DLGAP1: variants seen among roughly 807,000 people sequenced by gnomAD.
DLGAP1 encodes DLG associated protein 1, also known as disks large-associated protein 1.
A neutral mutation model predicts 90.8 loss-of-function variants in DLGAP1; 11 were observed. That is an observed-to-expected ratio of 0.12 (90% confidence interval 0.08 to 0.20). The LOEUF is 0.20. DLGAP1 is among the 10% of genes least tolerant of loss of function. The probability of loss-of-function intolerance (pLI) is 1.00; values close to 1 mark genes in which losing one functional copy is unlikely to be tolerated. For missense variants in DLGAP1, 1,050 were observed against 1,333.8 expected (o/e 0.79, Z 3.31); for synonymous variants, 558 against 540.7 (o/e 1.03, Z -0.44).
At chr18:4,020,289 A>G (rs2074588510) in intron 2 of DLGAP1, among the ~76,000 whole-genome samples, 1 of 152,210 alleles carries the variant, frequency 6.6e-6, no homozygotes, top group Non-Finnish European at 1.5e-5. Flanking sequence ...CTGAGGAGGA[A>G]GTACATTCAG....
Position 4,328,212 on chromosome 18 carries a change from C to T in DLGAP1, c.-267+126794G>A, listed in dbSNP as rs551470525. ...TATGAGCAACACATATGTTAATAAA[C>T]CTGTTTTTTTCCTCGCTCTCTCTCT... On this transcript the variant is annotated intron_variant, in intron 1 of 12. Coordinates refer to ENST00000315677, the MANE Select transcript of DLGAP1 (RefSeq NM_004746.4). 2.0e-4 allele frequency among the ~76,000 whole-genome samples: 31 copies of T among 152,112 alleles called. 1 individual carries two copies. In the South Asian group the frequency reaches 3.7e-3, roughly 18 times the overall value.
intron 3 of DLGAP1, among the ~76,000 whole-genome samples, chr18:3,916,777 G>A (rs1599155909): frequency 6.6e-6 from 1 of 152,268 alleles, no homozygotes; most frequent in East Asian, 1.9e-4. Flanking sequence ...AGGGTGTGGG[G>A]AATGAGCTGA....
Position 3,924,139 on chromosome 18 carries a change from C to A in DLGAP1, c.-72-43999G>T, listed in dbSNP as rs72863469. Among the ~76,000 whole-genome samples the A allele has an allele frequency of 7.9e-5, 12 of 152,242 alleles. No individual in the cohort carries two copies. The East Asian group carries it at 1.5e-3, about 20-fold the overall frequency. ...GTGTCACTATTACAGAAATAGTGAG[C>A]CTGGCAGAGGCTAGAAAGCAACCGA... is the stretch of plus-strand genomic sequence containing the variant. On this transcript the variant is annotated intron_variant, in intron 3 of 12. Transcript: ENST00000315677.
At chr18:4,334,267 C>G (rs760505097) in intron 1 of DLGAP1, among the ~76,000 whole-genome samples, 1 of 151,654 alleles carries the variant, frequency 6.6e-6, no homozygotes, top group Non-Finnish European at 1.5e-5. Context: ...AAAAAAACAA[C>G]GCTCACCTCA....
At chr18:4,197,360 G>GGGTA (rs963083010) in intron 1 of DLGAP1, among the ~76,000 whole-genome samples, 4 of 152,048 alleles carry the variant, frequency 2.6e-5, no homozygotes, top group African/African-American at 9.7e-5. Flanking sequence ...GCCCTGGGGT[G>GGGTA]GGTAGTATAT....
chr18:4,132,239 A>G (rs1386798321), intron 2 of DLGAP1, among the ~76,000 whole-genome samples: 1 of 152,176 alleles, frequency 6.6e-6, no homozygotes. Context: ...ATACTAAGCC[A>G]TATATCTACT....
At chr18:3,717,819 C>G (rs1262794045) in intron 7 of DLGAP1, among the ~76,000 whole-genome samples, 2 of 152,118 alleles carry the variant, frequency 1.3e-5, no homozygotes. Context: ...AATTGCTGAA[C>G]CACTGCAAAG....
At chr18:3,939,086 T>C (rs1020157707) in intron 3 of DLGAP1, among the ~76,000 whole-genome samples, 7 of 152,162 alleles carry the variant, frequency 4.6e-5, no homozygotes, top group South Asian at 2.1e-4. Context: ...TGTGCAGCAA[T>C]GAACCTAATA....
At chr18:4,406,827 A>C (rs529425884) in intron 1 of DLGAP1, among the ~76,000 whole-genome samples, 1 of 152,316 alleles carries the variant, frequency 6.6e-6, no homozygotes, top group African/African-American at 2.4e-5. Context: ...GAACTGTATA[A>C]AATATAAAAT....
chr18:3,823,804 G>A (rs973896855), intron 4 of DLGAP1, among the ~76,000 whole-genome samples: 2 of 151,860 alleles, frequency 1.3e-5, no homozygotes, highest in Non-Finnish European at 2.9e-5. Context: ...AGAAAAATTA[G>A]CCAGGCTTGG....
Position 3,724,001 on chromosome 18 carries a change from T to C in DLGAP1, c.1591+5134A>G, listed in dbSNP as rs559371459. Reference sequence around the variant, plus strand: ...AGGAGAGGAGAACAGTTCAACTCCATCATTGTTTAATAAATTCCTCTAATA... The same window carrying C: ...AGGAGAGGAGAACAGTTCAACTCCACCATTGTTTAATAAATTCCTCTAATA... On this transcript the variant is annotated intron_variant, in intron 7 of 12. Transcript: ENST00000315677. Among the ~76,000 whole-genome samples the C allele has an allele frequency of 1.3e-3, 191 of 152,220 alleles. 1 individual carries two copies. The highest frequency in any genetic ancestry group is 3.4e-3 in the Middle Eastern group (1 of 294).
chr18:3,533,044 C>T (rs150987120), intron 10 of DLGAP1, among the ~76,000 whole-genome samples: 8 of 152,186 alleles, frequency 5.3e-5, no homozygotes, highest in African/African-American at 1.7e-4. Flanking sequence ...GTAATCCCAG[C>T]GCTTTGGGAG....
In DLGAP1 at chr18:4,435,935, T is replaced by A. The variant is rs9950933; in HGVS notation, c.-267+19071A>T. On this transcript the variant is annotated intron_variant, in intron 1 of 12. Transcript: ENST00000315677. ...GCTTAGGGACTCAAACCTAAGCAGATGCGCACACAGGTGTCACAAATTAGA... is the reference window on the plus strand; with the variant it reads ...GCTTAGGGACTCAAACCTAAGCAGAAGCGCACACAGGTGTCACAAATTAGA... 6.7e-3 allele frequency among the ~76,000 whole-genome samples: 1,025 copies of A among 152,170 alleles called. 7 individuals are homozygous for A. Among genetic ancestry groups the A allele is most frequent in the Non-Finnish European group, 0.011 (716 of 68,020 alleles).
chr18:4,248,273 T>C (rs962722607), intron 1 of DLGAP1, among the ~76,000 whole-genome samples: 1 of 152,162 alleles, frequency 6.6e-6, no homozygotes, highest in African/African-American at 2.4e-5. Context: ...AACAATAACC[T>C]TCACGGCGAA....
At chr18:3,600,567 A>T (rs1455880685) in intron 7 of DLGAP1, among the ~76,000 whole-genome samples, 1 of 150,800 alleles carries the variant, frequency 6.6e-6, no homozygotes, top group East Asian at 1.9e-4. Flanking sequence ...TTTTATTATA[A>T]TTGTAGTAAG....
chr18:3,855,899 C>A (rs1484814336), intron 4 of DLGAP1, among the ~76,000 whole-genome samples: 1 of 152,170 alleles, frequency 6.6e-6, no homozygotes, highest in Non-Finnish European at 1.5e-5. Context: ...GCGTGAGCCA[C>A]CACGCCTGGC....
chr18:4,032,951 C>T (rs140228566), intron 2 of DLGAP1, among the ~76,000 whole-genome samples: 274 of 152,086 alleles, frequency 1.8e-3, no homozygotes, highest in African/African-American at 6.4e-3. Flanking sequence ...GAATTAATGA[C>T]AGAAAGCATG....
At chr18:3,745,847 G>A (rs1364394191) in intron 5 of DLGAP1, among the ~76,000 whole-genome samples, 1 of 152,032 alleles carries the variant, frequency 6.6e-6, no homozygotes, top group Non-Finnish European at 1.5e-5. Flanking sequence ...ATGCCATCAA[G>A]CCCAGCTAAT....
intron 6 of DLGAP1, among the ~76,000 whole-genome samples, chr18:3,730,299 A>G (rs10691609): frequency 2.0e-5 from 2 of 98,122 alleles, no homozygotes; most frequent in African/African-American, 7.6e-5. Context: ...TTCATAAATT[A>G]TTAATGTATT....
Sources: allele counts gnomAD v4.1 joint callset (sites outside exome capture counted in the v4.1 genomes callset), GRCh38; gene constraint gnomAD v4.1.1; transcripts MANE v1.5; gene names NCBI Gene and HGNC (gene_info 2026-07-23, HGNC 2026-07-21).